Variants in THSD4 observed in about 807,000 individuals in gnomAD.
The protein encoded by THSD4 is thrombospondin type 1 domain containing 4.
Under a neutral mutation model 119.0 loss-of-function variants are expected in THSD4, and 69 were observed. The observed-to-expected ratio is 0.58, with a 90% CI of 0.48 to 0.71. The LOEUF (loss-of-function observed/expected upper bound fraction) is 0.71. Among genes scored for constraint, THSD4 ranks in the 30% least tolerant of loss-of-function variants. THSD4 has a pLI of 0.00. For missense variants in THSD4, 1,393 were observed against 1,391.1 expected (o/e 1.00, Z -0.02); for synonymous variants, 524 against 540.4 (o/e 0.97, Z 0.42).
At chr15:71,156,219 T>C (rs1299795334) in intron 3 of THSD4, among the ~76,000 whole-genome samples, 1 of 152,016 alleles carries the variant, frequency 6.6e-6, no homozygotes, top group Non-Finnish European at 1.5e-5. Context: ...TGTATCTAAG[T>C]GTGAGCAAGT....
At chr15:71,722,065 G>C (rs1429624042) in intron 8 of THSD4, among the ~76,000 whole-genome samples, 1 of 152,056 alleles carries the variant, frequency 6.6e-6, no homozygotes, top group Non-Finnish European at 1.5e-5. Context: ...CTTCAAACAG[G>C]CTTTGTTAAA....
intron 3 of THSD4, among the ~76,000 whole-genome samples, chr15:71,173,936 C>A (rs1043691283): frequency 6.6e-6 from 1 of 152,008 alleles, no homozygotes; most frequent in Non-Finnish European, 1.5e-5. Context: ...AAAATTAACT[C>A]AAAATGGATG....
intron 17 of THSD4, among the ~76,000 whole-genome samples, chr15:71,772,913 A>G (rs1411153668): frequency 6.6e-6 from 1 of 152,200 alleles, no homozygotes; most frequent in Non-Finnish European, 1.5e-5. Context: ...AAAATGCTAG[A>G]AAAAAGTATC....
intron 2 of THSD4, 58 bp from the exon 3 acceptor site, chr15:71,154,805 G>A (rs2040760363): frequency 2.6e-6 from 4 of 1,562,178 alleles, no homozygotes; most frequent in Non-Finnish European, 3.5e-6. Context: ...TGCCTTCCCT[G>A]GGTGCTGCTG....
chr15:71,713,527 G>A (rs919452685), intron 8 of THSD4, among the ~76,000 whole-genome samples: 1 of 152,118 alleles, frequency 6.6e-6, no homozygotes, highest in African/African-American at 2.4e-5. Context: ...TGTCATGCTC[G>A]AATGTCTTCC....
chr15:71,125,919 A>T (rs535893894), intron 1 of THSD4, among the ~76,000 whole-genome samples: 1 of 152,356 alleles, frequency 6.6e-6, no homozygotes, highest in South Asian at 2.1e-4. Context: ...GCACAGCCAC[A>T]TGTGCTTTCT....
intron 14 of THSD4, among the ~76,000 whole-genome samples, chr15:71,757,162 G>A (rs1383760883): frequency 1.3e-5 from 2 of 152,122 alleles, no homozygotes; most frequent in Non-Finnish European, 2.9e-5. Flanking sequence ...TGGGTCACTT[G>A]CTCCAGGCCG....
At chr15:71,606,255 G>C (rs2050107652) in intron 7 of THSD4, among the ~76,000 whole-genome samples, 1 of 152,236 alleles carries the variant, frequency 6.6e-6, no homozygotes, top group Non-Finnish European at 1.5e-5. Context: ...AAAAGACAAA[G>C]GTGATTCCTC....
chr15:71,574,656 G>A lies in THSD4; in HGVS notation c.1153-85874G>A, dbSNP rs556611851. On this transcript the variant is annotated intron_variant, in intron 7 of 17. Coordinates refer to ENST00000261862, the MANE Select transcript of THSD4 (RefSeq NM_024817.3). ...CTGGCATCATGCTATGTGACCCTGA[G>A]CAGTCCGTTTGTCTGTCTGAGCCTC... Among the ~76,000 whole-genome samples, 5 of 152,214 alleles carry A rather than the reference G, an allele frequency of 3.3e-5. No individual in the cohort carries two copies. In the East Asian group the frequency reaches 9.7e-4, roughly 29 times the overall value.
At chr15:71,138,937 T>C (rs1207192579) in intron 1 of THSD4, among the ~76,000 whole-genome samples, 1 of 151,680 alleles carries the variant, frequency 6.6e-6, no homozygotes, top group East Asian at 1.9e-4. Context: ...AAATATTTAA[T>C]ATAACAACCC....
At chr15:71,658,238 T>C (rs1379765623) in intron 7 of THSD4, among the ~76,000 whole-genome samples, 5 of 152,222 alleles carry the variant, frequency 3.3e-5, no homozygotes, top group African/African-American at 1.2e-4. Flanking sequence ...AACAAGATTC[T>C]TGACAAGTTC....
At chr15:71,464,551 G>A (rs1021409067) in intron 7 of THSD4, among the ~76,000 whole-genome samples, 1 of 152,090 alleles carries the variant, frequency 6.6e-6, no homozygotes, top group African/African-American at 2.4e-5. Flanking sequence ...TAAGCTATAT[G>A]GAGCATACCC....
At chr15:71,284,461 CATAGGAATTACAT>C (rs1408817111) in intron 6 of THSD4, among the ~76,000 whole-genome samples, 1 of 152,122 alleles carries the variant, frequency 6.6e-6, no homozygotes, top group African/African-American at 2.4e-5. Flanking sequence ...CATTTTCAGG[CATAGGAATTACAT>C]ATAGGAATTT....
intron 8 of THSD4, among the ~76,000 whole-genome samples, chr15:71,679,570 A>G (rs2051729936): frequency 6.6e-6 from 1 of 152,062 alleles, no homozygotes; most frequent in African/African-American, 2.4e-5. Context: ...TTCAATCTGA[A>G]GAAGCAGCAC....
intron 6 of THSD4, among the ~76,000 whole-genome samples, chr15:71,363,702 T>C (rs1396240384): frequency 2.6e-5 from 4 of 152,148 alleles, no homozygotes; most frequent in Admixed American, 6.5e-5. Context: ...CGGACACATA[T>C]AGAGGTCATC....
At chr15:71,301,624 G>C (rs1210506385) in intron 6 of THSD4, among the ~76,000 whole-genome samples, 1 of 152,186 alleles carries the variant, frequency 6.6e-6, no homozygotes, top group Non-Finnish European at 1.5e-5. Context: ...GTTCTGGGCT[G>C]TCCTTTCTCC....
At chr15:71,312,619 T>G (rs914329143) in intron 6 of THSD4, among the ~76,000 whole-genome samples, 1 of 151,836 alleles carries the variant, frequency 6.6e-6, no homozygotes. Context: ...CCTAGAAAAC[T>G]CCTCTAACCT....
At chr15:71,754,364 A>G (rs1386653847) in intron 14 of THSD4, among the ~76,000 whole-genome samples, 1 of 152,134 alleles carries the variant, frequency 6.6e-6, no homozygotes, top group African/African-American at 2.4e-5. Flanking sequence ...TGCTGGGATT[A>G]CAGGTGTGAG....
rs540539317 is a variant in THSD4, at chr15:71,280,209, C to A, written c.1015+23494C>A. Among the ~76,000 whole-genome samples, 6 of 152,254 alleles carry A rather than the reference C, an allele frequency of 3.9e-5. No homozygotes were observed. The South Asian group carries it at 1.2e-3, about 32-fold the overall frequency. On this transcript the variant is annotated intron_variant, in intron 6 of 17. Coordinates refer to ENST00000261862, the MANE Select transcript of THSD4 (RefSeq NM_024817.3). ...TTAGGAAACATCGGCGAGTGTCCTT[C>A]CTCTGGAGCAAAGAACTTATAAAGG...
Sources: gnomAD v4.1 joint callset for allele counts (sites outside exome capture counted in the v4.1 genomes callset) on GRCh38, gnomAD v4.1.1 for gene constraint, MANE v1.5 for transcripts, NCBI Gene and HGNC (gene_info 2026-07-23, HGNC 2026-07-21) for gene names.